DARS1: variants seen among roughly 807,000 people sequenced by gnomAD.
DARS1 encodes the protein aspartyl-tRNA synthetase 1.
A neutral mutation model predicts 68.8 loss-of-function variants in DARS1; 51 were observed. The ratio of observed to expected loss-of-function variants is 0.74; its 90% CI spans 0.59 to 0.94. The LOEUF (loss-of-function observed/expected upper bound fraction) is 0.94. Among genes scored for constraint, DARS1 ranks in the 40% least tolerant of loss-of-function variants. The pLI, the probability that DARS1 is intolerant of heterozygous loss-of-function variation, is 0.00. For missense variants in DARS1, 607 were observed against 597.3 expected, an observed-to-expected ratio of 1.02 and a Z score of -0.17; for synonymous variants, 203 against 190.4, an observed-to-expected ratio of 1.07 and a Z score of -0.55.
At chr2:135,934,746 G>T (rs1681428084) in intron 5 of DARS1, among the ~76,000 whole-genome samples, 1 of 151,134 alleles carries the variant, frequency 6.6e-6, no homozygotes, top group African/African-American at 2.4e-5. Context: ...TAATAAATGT[G>T]AAAACACTTT....
intron 3 of DARS1, among the ~76,000 whole-genome samples, chr2:135,978,073 G>A (rs1203861523): frequency 7.0e-6 from 1 of 142,852 alleles, no homozygotes; most frequent in Non-Finnish European, 1.5e-5. Flanking sequence ...AACCCTGGAG[G>A]CAGAGATTGC....
intron 5 of DARS1, 104 bp from the exon 6 acceptor site, chr2:135,934,094 T>C: frequency 5.5e-6 from 8 of 1,455,514 alleles, no homozygotes; most frequent in Non-Finnish European, 7.3e-6. Context: ...AATGTTTGCA[T>C]ACATCTTTAA....
At chr2:135,928,827 C>T (rs998031654) in intron 7 of DARS1, among the ~76,000 whole-genome samples, 7 of 151,774 alleles carry the variant, frequency 4.6e-5, no homozygotes, top group Admixed American at 2.6e-4. Flanking sequence ...TAAGTAAAGA[C>T]GGGGTTTCAC....
At chr2:135,960,199 C>T (rs1483661141) in intron 4 of DARS1, among the ~76,000 whole-genome samples, 3 of 152,086 alleles carry the variant, frequency 2.0e-5, no homozygotes, top group Non-Finnish European at 4.4e-5. Context: ...CTGGGCAGCA[C>T]TGGGAGATAG....
Position 135,983,385 on chromosome 2 carries a change from A to T in DARS1, c.124+12T>A. On this transcript the variant is annotated intron_variant, in intron 2 of 15. Transcript: ENST00000264161. ...GCAAAAAAGCTTTATTTACTGTCACATAGCTACTAACCTGGTTTTTCTTGT... is the reference window on the plus strand; with the variant it reads ...GCAAAAAAGCTTTATTTACTGTCACTTAGCTACTAACCTGGTTTTTCTTGT... 1 of 958,226 alleles carries T rather than the reference A, an allele frequency of 1.0e-6. No individual in the cohort carries two copies. The highest frequency in any genetic ancestry group is 1.7e-6 in the Non-Finnish European group (1 of 589,114). 59.4% of individuals were successfully genotyped at this position (958,226 alleles called of 1,614,324 possible).
At chr2:135,920,345 A>G in intron 10 of DARS1, 108 bp downstream of exon 10, 6 of 1,435,068 alleles carry the variant, frequency 4.2e-6, no homozygotes, top group East Asian at 2.5e-5. Context: ...ATCTTTATAT[A>G]TATGTTCATA....
At chr2:135,935,296 T>A (rs1575391709) in intron 5 of DARS1, among the ~76,000 whole-genome samples, 1 of 151,936 alleles carries the variant, frequency 6.6e-6, no homozygotes, top group Non-Finnish European at 1.5e-5. Context: ...TTCCTTTATG[T>A]TGTCAAAATC....
At chr2:135,956,426 AT>A (rs1230788872) in intron 4 of DARS1, among the ~76,000 whole-genome samples, 1 of 152,190 alleles carries the variant, frequency 6.6e-6, no homozygotes, top group Non-Finnish European at 1.5e-5. Flanking sequence ...GTGATCAGAC[AT>A]CACCTGAGGG....
intron 4 of DARS1, among the ~76,000 whole-genome samples, chr2:135,949,470 T>C (rs1014198654): frequency 6.6e-6 from 1 of 152,190 alleles, no homozygotes; most frequent in Non-Finnish European, 1.5e-5. Flanking sequence ...AACTTCAGGA[T>C]CAACTATTAA....
Position 135,907,239 on chromosome 2 carries a change from T to TTTG in DARS1, c.*76_*77insCAA. On this transcript the variant is annotated 3_prime_UTR_variant, in exon 16 of 16. Coordinates refer to ENST00000264161, the MANE Select transcript of DARS1 (RefSeq NM_001349.4). ...GGTTACTGAAAAGAATAAGTGTGGC[T>TTTG]TTCTTTTTTTTTTTTTTTTTTTGAG... 1 of 891,320 alleles carries TTTG rather than the reference T, an allele frequency of 1.1e-6. No individual in the cohort carries two copies. The highest frequency in any genetic ancestry group is 1.7e-6 in the Non-Finnish European group (1 of 603,270). The allele number at this position is 891,320 out of a possible 1,614,324, so 55.2% of individuals were successfully genotyped here.
intron 3 of DARS1, among the ~76,000 whole-genome samples, chr2:135,963,989 T>C (rs1682159001): frequency 6.6e-6 from 1 of 152,144 alleles, no homozygotes; most frequent in Admixed American, 6.5e-5. Flanking sequence ...CCTTAATGAC[T>C]ATTATTAGTA....
Position 135,985,504 on chromosome 2 carries a change from C to A in DARS1, c.-36G>T, listed in dbSNP as rs1179910807. 1.2e-6 allele frequency: 2 copies of A among 1,613,864 alleles called. No homozygotes were observed. The highest frequency in any genetic ancestry group is 1.7e-6 in the Non-Finnish European group (2 of 1,179,958). The stretch of plus-strand genomic sequence containing the variant: ...AACTGGGCAGTGGACACCACCCTCC[C>A]TCGCAGGCTTCCGTAAGGCAGGCCA... On this transcript the variant is annotated 5_prime_UTR_variant, in exon 1 of 16. It adds an upstream start codon to the 5' untranslated region. Transcript: ENST00000264161.
intron 8 of DARS1, among the ~76,000 whole-genome samples, chr2:135,923,207 A>G (rs1251408751): frequency 6.6e-5 from 10 of 152,132 alleles, no homozygotes; most frequent in Non-Finnish European, 1.5e-5. Flanking sequence ...GGAGTTGTTA[A>G]AATTTTTTTT....
intron 3 of DARS1, among the ~76,000 whole-genome samples, chr2:135,969,163 A>C (rs1341364925): frequency 6.6e-6 from 1 of 152,122 alleles, no homozygotes; most frequent in Non-Finnish European, 1.5e-5. Context: ...ATCTTGGAGA[A>C]ATACTACCTC....
intron 3 of DARS1, among the ~76,000 whole-genome samples, chr2:135,966,941 T>C (rs1031238923): frequency 5.9e-5 from 9 of 152,326 alleles, no homozygotes; most frequent in Non-Finnish European, 1.0e-4. Flanking sequence ...TTTAGAAAAA[T>C]GTAAAGTCAG....
intron 3 of DARS1, among the ~76,000 whole-genome samples, chr2:135,970,847 T>C (rs964170361): frequency 6.6e-6 from 1 of 152,098 alleles, no homozygotes; most frequent in Non-Finnish European, 1.5e-5. Context: ...TTGGAAAATC[T>C]AGAAGAAATG....
At chr2:135,951,263 T>C (rs184464736) in intron 4 of DARS1, among the ~76,000 whole-genome samples, 1 of 152,354 alleles carries the variant, frequency 6.6e-6, no homozygotes, top group East Asian at 1.9e-4. Flanking sequence ...CTTTGGTGTC[T>C]ACTCTATATT....
intron 4 of DARS1, among the ~76,000 whole-genome samples, chr2:135,951,690 C>G (rs1681842507): frequency 6.6e-6 from 1 of 152,190 alleles, no homozygotes; most frequent in Non-Finnish European, 1.5e-5. Context: ...CAGGAATATA[C>G]AAAATGCACA....
rs199776135 is a variant in DARS1, at chr2:135,912,571, A to C, written c.1150-5T>G. On this transcript the variant is annotated splice_region_variant and splice_polypyrimidine_tract_variant and intron_variant, in intron 12 of 15. Coordinates refer to ENST00000264161, the MANE Select transcript of DARS1 (RefSeq NM_001349.4). ...AATATAAAAATCTGTATCATACTAT[A>C]AAAAGAATAAATGCAATTAAAATAC... 475 of 819,654 alleles carry C rather than the reference A, an allele frequency of 5.8e-4. 1 individual carries two copies. Among genetic ancestry groups the C allele is most frequent in the Admixed American group, 1.7e-3 (75 of 45,368 alleles). The allele number at this position is 819,654 out of a possible 1,614,324, so 50.8% of individuals were successfully genotyped here. A position where few individuals can be genotyped will look rare whatever the true frequency, so the allele number is the denominator to read the frequency against.
Sources: allele counts gnomAD v4.1 joint callset (sites outside exome capture counted in the v4.1 genomes callset), GRCh38; gene constraint gnomAD v4.1.1; transcripts MANE v1.5; gene names NCBI Gene and HGNC (gene_info 2026-07-23, HGNC 2026-07-21).